The following HVCN1 variants were observed in gnomAD, a reference collection of about 807,000 sequenced individuals.
HVCN1 encodes hydrogen voltage gated channel 1.
HVCN1 carries 14 observed loss-of-function variants against 29.2 expected under a neutral mutation model. The observed-to-expected ratio is 0.48, with a 90% CI of 0.32 to 0.75. The LOEUF is 0.75. HVCN1 is among the 30% of genes least tolerant of loss of function. HVCN1 has a pLI of 0.04. For missense variants in HVCN1, 263 were observed against 341.8 expected, an observed-to-expected ratio of 0.77 and a Z score of 1.82; for synonymous variants, 131 against 133.2, an observed-to-expected ratio of 0.98 and a Z score of 0.11.
chr12:110,671,332 A>G (rs1366442626), intron 3 of HVCN1, among the ~76,000 whole-genome samples: 1 of 152,160 alleles, frequency 6.6e-6, no homozygotes, highest in East Asian at 1.9e-4. Flanking sequence ...AAAACAAAAA[A>G]AGAGAAAAGG....
chr12:110,649,582 A>C, intron 7 of HVCN1, 107 bp from the exon 8 acceptor site: 2 of 802,040 alleles, frequency 2.5e-6, no homozygotes, highest in Non-Finnish European at 4.2e-6. Flanking sequence ...GATGAATGAA[A>C]GCTACGCTGT....
chr12:110,682,387 T>G (rs899987525), intron 3 of HVCN1, among the ~76,000 whole-genome samples: 3 of 152,130 alleles, frequency 2.0e-5, no homozygotes, highest in Non-Finnish European at 2.9e-5. Context: ...TTTGTAGAGA[T>G]AGGGTTTTGC....
At chr12:110,679,329 A>G (rs939545960) in intron 3 of HVCN1, among the ~76,000 whole-genome samples, 1 of 152,178 alleles carries the variant, frequency 6.6e-6, no homozygotes, top group African/African-American at 2.4e-5. Context: ...ATTTCCACAC[A>G]CACCTGGCTC....
At chr12:110,695,046 T>C (rs1425349349) in intron 2 of HVCN1, among the ~76,000 whole-genome samples, 1 of 152,200 alleles carries the variant, frequency 6.6e-6, no homozygotes, top group African/African-American at 2.4e-5. Flanking sequence ...AGGTCCTGCC[T>C]GCCCTCATTA....
At position 110,661,246 on chromosome 12, in the gene HVCN1, GCAA is replaced by G; in HGVS notation, c.221_223del (p.Val74del). The G allele has an allele frequency of 6.2e-7, 1 of 1,614,056 alleles. No individual in the cohort carries two copies. Among genetic ancestry groups the G allele is most frequent in the South Asian group, 1.1e-5 (1 of 91,076 alleles). On this transcript the variant is annotated inframe_deletion, in exon 4 of 8. Coordinates refer to ENST00000242607, the MANE Select transcript of HVCN1 (RefSeq NM_032369.4). The surrounding 1 kb of genome is among the most constrained non-coding windows in gnomAD (Gnocchi z 6.2). Reference sequence around the variant, plus strand: ...CCTGGGTGCGGGGCCAGGGGCAGGGGCAACGTCAGGGGCTGCAGCTCTGCCTTC... The same window carrying G: ...CCTGGGTGCGGGGCCAGGGGCAGGGGCGTCAGGGGCTGCAGCTCTGCCTTC...
intron 3 of HVCN1, among the ~76,000 whole-genome samples, chr12:110,674,476 G>A (rs960102902): frequency 2.6e-5 from 4 of 152,158 alleles, no homozygotes; most frequent in African/African-American, 9.7e-5. Context: ...ATGAGATTTG[G>A]AGGGGTCAGG....
intron 5 of HVCN1, among the ~76,000 whole-genome samples, chr12:110,653,560 G>A (rs930207381): frequency 1.3e-5 from 2 of 152,070 alleles, no homozygotes; most frequent in Admixed American, 6.6e-5. Context: ...GACATTCTTG[G>A]GCTGGACACG....
chr12:110,649,828 G>A (rs1046229495), intron 7 of HVCN1, among the ~76,000 whole-genome samples: 1 of 152,176 alleles, frequency 6.6e-6, no homozygotes, highest in African/African-American at 2.4e-5. Context: ...CGGGTGCTGC[G>A]GCAGAGGCCA....
chr12:110,696,409 C>T (rs1479007900), intron 2 of HVCN1, among the ~76,000 whole-genome samples: 3 of 152,056 alleles, frequency 2.0e-5, no homozygotes, highest in Non-Finnish European at 4.4e-5. Context: ...TTTTCATTAT[C>T]TCAAAAGGAA....
rs1566020278 is a variant in HVCN1 at position 110,649,074 on chromosome 12, A to C, written c.*336T>G. 1.7e-6 allele frequency: 1 copy of C among 575,982 alleles called. No homozygotes were observed. The highest frequency in any genetic ancestry group is 3.3e-6 in the Non-Finnish European group (1 of 305,830). The allele number at this position is 575,982 out of a possible 1,614,324, so 35.7% of individuals were successfully genotyped here. On this transcript the variant is annotated 3_prime_UTR_variant, in exon 8 of 8. Transcript: ENST00000242607. ...CAGATGCATCAGTTCCTTAATATAC[A>C]CGTGAAATTTGAAAACTGTACATTC...
At chr12:110,659,689 T>A (rs1194810957) in intron 4 of HVCN1, among the ~76,000 whole-genome samples, 2 of 151,736 alleles carry the variant, frequency 1.3e-5, no homozygotes, top group African/African-American at 4.8e-5. Flanking sequence ...GAGGCCAAGA[T>A]GGGAGGATCA....
In HVCN1 at chr12:110,661,276, T is replaced by C. The variant is rs150300148; in HGVS notation, c.194A>G (p.Glu65Gly). Residue 65 changes from glutamate to glycine, a missense_variant, in exon 4 of 8, where the codon GAG (glutamate) becomes GGG (glycine). Around this residue, in one of 3 missense-constraint regions of HVCN1, gnomAD observed 157 missense variants for 181.3 expected, o/e 0.87. Coordinates refer to ENST00000242607, the MANE Select transcript of HVCN1 (RefSeq NM_032369.4). This position sits in a 1 kb window ranked among gnomAD's most constrained non-coding sequence, Gnocchi z 6.2. ...GTCAGGGGCTGCAGCTCTGCCTTCC[T>C]CGCCTGAGACTGGTGTGGGTGGTGG... ...EQPPPTPVSG[E>G]EGRAAAPDVA... is the part of the protein sequence containing the mutation. 6.2e-7 allele frequency: 1 copy of C among 1,614,188 alleles called. No homozygotes were observed. The highest frequency in any genetic ancestry group is 8.5e-7 in the Non-Finnish European group (1 of 1,180,026).
intron 3 of HVCN1, among the ~76,000 whole-genome samples, chr12:110,681,095 C>T (rs2068952225): frequency 6.6e-6 from 1 of 152,156 alleles, no homozygotes; most frequent in Non-Finnish European, 1.5e-5. Context: ...GGTTTTTAAT[C>T]CAATTCTAAG....
intron 2 of HVCN1, among the ~76,000 whole-genome samples, chr12:110,684,971 C>T (rs1428485757): frequency 6.6e-6 from 1 of 152,186 alleles, no homozygotes; most frequent in Non-Finnish European, 1.5e-5. Context: ...TGTGAACCCA[C>T]ATACTGCTGT....
intron 4 of HVCN1, among the ~76,000 whole-genome samples, chr12:110,657,268 C>A (rs1445738985): frequency 6.6e-6 from 1 of 152,018 alleles, no homozygotes; most frequent in Admixed American, 6.5e-5. Context: ...CAGAGGCGGG[C>A]AGATCACCTG....
rs547694061 is a variant in HVCN1, at chr12:110,659,803, C to T, written c.306+1361G>A. On this transcript the variant is annotated intron_variant, in intron 4 of 7. Transcript: ENST00000242607. ...CGGGACATGGCCAGGCATAGTGGCT[C>T]ACGCCTGTAATCCCAGCACTTTGGG... Among the ~76,000 whole-genome samples the T allele has an allele frequency of 2.6e-5, 4 of 152,292 alleles. No homozygotes were observed. The South Asian group carries it at 6.2e-4, about 24-fold the overall frequency.
rs201811745 is a variant in HVCN1, at chr12:110,683,291, G to C, written c.-19-27C>G. On this transcript the variant is annotated intron_variant, in intron 2 of 7. Coordinates refer to ENST00000242607, the MANE Select transcript of HVCN1 (RefSeq NM_032369.4). ...TGAAAAATAAAAAGACATTTGTCCA[G>C]ATCTATCATCTTGCTGCCATCTGCC... 2.4e-4 allele frequency: 380 copies of C among 1,587,110 alleles called. 1 individual carries two copies. The highest frequency in any genetic ancestry group is 3.0e-4 in the Non-Finnish European group (354 of 1,169,574).
rs150325252 is a variant in HVCN1 at position 110,651,146 on chromosome 12, C to T, written c.643+71G>A. The T allele has an allele frequency of 4.3e-4, 484 of 1,129,440 alleles. 1 individual carries two copies. The African/African-American group carries it at 6.2e-3, about 14-fold the overall frequency. 70.0% of individuals were successfully genotyped at this position (1,129,440 alleles called of 1,614,324 possible). ...TGAGCTCAGGCACCCAGAGTGACTG[C>T]GCAGTCAGGCCTTGGATGTATGCCT... On this transcript the variant is annotated intron_variant, in intron 6 of 7. Coordinates refer to ENST00000242607, the MANE Select transcript of HVCN1 (RefSeq NM_032369.4).
intron 2 of HVCN1, chr12:110,688,353 G>A (rs1251620336): frequency 6.6e-6 from 1 of 152,232 alleles, no homozygotes; most frequent in African/African-American, 2.4e-5. Flanking sequence ...TTCCACTGAG[G>A]AACTGCTCTC....
Sources: allele counts gnomAD v4.1 joint callset (sites outside exome capture counted in the v4.1 genomes callset), GRCh38; gene constraint gnomAD v4.1.1; regional missense constraint gnomAD v4.1.1; non-coding constraint Gnocchi (gnomAD v3.1); transcripts MANE v1.5; gene names NCBI Gene and HGNC (gene_info 2026-07-23, HGNC 2026-07-21).